BCORL1: variants seen among roughly 807,000 people sequenced by gnomAD.
BCORL1 encodes the protein BCL6 corepressor like 1.
BCORL1 carries 7 observed loss-of-function variants against 87.6 expected under a neutral mutation model. The observed-to-expected ratio is 0.08, with a 90% confidence interval of 0.05 to 0.15. The LOEUF (loss-of-function observed/expected upper bound fraction) is 0.15, where lower values mean the gene tolerates loss of function less well. Ranked by LOEUF, BCORL1 falls within the 10% of genes least tolerant of loss-of-function variation. The pLI is 1.00. For synonymous variants in BCORL1, 591 were observed against 634.4 expected (o/e 0.93, Z 1.03); for missense variants, 1,215 against 1,499.7 (o/e 0.81, Z 3.13).
intron 11 of BCORL1, among the ~76,000 whole-genome samples, chrX:130,043,786 T>A (rs866194055): frequency 0.034 from 406 of 11,980 alleles, 4 homozygotes; most frequent in Middle Eastern, 0.059. Context: ...ATATATATAT[T>A]TTTTTTTTTT....
At chrX:130,043,775 TATATATA>T (rs1233669294) in intron 11 of BCORL1, among the ~76,000 whole-genome samples, 25 of 22,880 alleles carry the variant, frequency 1.1e-3, no homozygotes, top group African/African-American at 6.9e-3. Context: ...TATATATATA[TATATATA>T]TATTTTTTTT....
intron 1 of BCORL1, among the ~76,000 whole-genome samples, chrX:129,995,080 A>G (rs1055577243): frequency 1.8e-5 from 2 of 110,495 alleles, no homozygotes; most frequent in South Asian, 7.7e-4. Context: ...ATCTTGGCTC[A>G]CTGCAACTTC....
At chrX:130,009,336 A>G (rs1005872742) in intron 2 of BCORL1, among the ~76,000 whole-genome samples, 1 of 110,882 alleles carries the variant, frequency 9.0e-6, no homozygotes, top group Non-Finnish European at 1.9e-5. Context: ...GTGGTGGCGC[A>G]TGCCTGTAAT....
In BCORL1 at chrX:130,053,636, G is replaced by A. The variant is rs188911181; in HGVS notation, c.5075+1620G>A. ...TAGCCCAGAGCCCGGTACCAGCAAA[G>A]CTGGTTTTCCTGACGTGACATCCTC... On this transcript the variant is annotated intron_variant, in intron 13 of 13. Transcript: ENST00000540052. 2.7e-5 allele frequency among the ~76,000 whole-genome samples: 3 copies of A among 111,621 alleles called. No homozygotes were observed. In the East Asian group the frequency reaches 8.5e-4, roughly 32 times the overall value.
At chrX:130,010,977 C>G (rs1489015907) in intron 2 of BCORL1, among the ~76,000 whole-genome samples, 1 of 87,554 alleles carries the variant, frequency 1.1e-5, no homozygotes, top group Non-Finnish European at 2.2e-5. Context: ...GCACTCCAGC[C>G]TGGGTGACAG....
intron 1 of BCORL1, among the ~76,000 whole-genome samples, chrX:130,003,460 C>T (rs748800108): frequency 1.8e-5 from 2 of 108,390 alleles, no homozygotes; most frequent in Non-Finnish European, 3.8e-5. Context: ...GCAACCTCTG[C>T]CTCCTGGGTT....
At chrX:129,989,147 C>CT (rs1441781603) in intron 1 of BCORL1, among the ~76,000 whole-genome samples, 4 of 109,395 alleles carry the variant, frequency 3.7e-5, no homozygotes, top group South Asian at 3.8e-4. Flanking sequence ...TACTTTCGTT[C>CT]TTTTTTTTGA....
At chrX:130,041,788 G>A (rs1320309100) in intron 11 of BCORL1, among the ~76,000 whole-genome samples, 2 of 110,275 alleles carry the variant, frequency 1.8e-5, no homozygotes, top group African/African-American at 6.6e-5. Flanking sequence ...CACCAAGCTC[G>A]GCTAATTTTT....
chrX:129,984,624 C>G (rs1318648417), intron 1 of BCORL1, among the ~76,000 whole-genome samples: 1 of 110,840 alleles, frequency 9.0e-6, no homozygotes, highest in Non-Finnish European at 1.9e-5. Flanking sequence ...GAGGGACGTC[C>G]GGGGCAAGGC....
At chrX:130,038,868 T>A (rs1261939104) in intron 10 of BCORL1, among the ~76,000 whole-genome samples, 2 of 111,356 alleles carry the variant, frequency 1.8e-5, no homozygotes, top group South Asian at 7.5e-4. Context: ...CATTGTGCCA[T>A]GGGAACTGTC....
intron 1 of BCORL1, among the ~76,000 whole-genome samples, chrX:129,996,984 A>G (rs780262178): frequency 1.3e-4 from 14 of 111,261 alleles, no homozygotes; most frequent in Non-Finnish European, 2.5e-4. Context: ...TGTCAGATAG[A>G]TGCTTTCTCT....
chrX:129,983,519 G>T (rs1203391877), intron 1 of BCORL1, among the ~76,000 whole-genome samples: 1 of 107,024 alleles, frequency 9.3e-6, no homozygotes, highest in African/African-American at 3.4e-5. Context: ...GCTCTTCAGG[G>T]CTGCTTTCTT....
rs1450586732 is a variant in BCORL1 at position 130,013,641 on chromosome X, C to T, written c.869C>T (p.Pro290Leu). The change falls in exon 4 of 14, where the codon CCC becomes CTC. Residue 290 changes from proline (P) to leucine (L), a missense_variant. Physicochemically the swap from Pro to Leu is moderately conservative, Grantham distance 98. Coordinates refer to ENST00000540052, the MANE Select transcript of BCORL1 (RefSeq NM_001379451.1). ...SVLVPVPASA[P>L]PSGPVPLSAP... The stretch of plus-strand genomic sequence containing the variant: ...TTGGTGCCTGTGCCAGCTTCTGCTC[C>T]CCCTTCAGGCCCGGTTCCCTTGTCG... 3.3e-6 allele frequency: 4 copies of T among 1,209,365 alleles called. No homozygotes were observed. Among genetic ancestry groups the T allele is most frequent in the Middle Eastern group, 2.3e-4 (1 of 4,372 alleles).
intron 2 of BCORL1, among the ~76,000 whole-genome samples, chrX:130,008,404 C>T (rs865810154): frequency 9.0e-6 from 1 of 110,681 alleles, no homozygotes. Flanking sequence ...GCTGGGATTA[C>T]AGGCATGCGC....
chrX:130,023,226 G>C (rs912173756), intron 6 of BCORL1, among the ~76,000 whole-genome samples: 1 of 111,905 alleles, frequency 8.9e-6, no homozygotes, highest in Non-Finnish European at 1.9e-5. Context: ...GACATCTCTT[G>C]TTGGGAGCTG....
rs927021395 is a variant in BCORL1 at position 130,056,269 on chromosome X, T to C, written c.*133T>C. ...GACCAACAAGAAGCCGCCTTATCAA[T>C]GCCAGCATTAGCGACTGGACTGTTT... is the stretch of plus-strand genomic sequence containing the variant. On this transcript the variant is annotated 3_prime_UTR_variant, in exon 14 of 14. Coordinates refer to ENST00000540052, the MANE Select transcript of BCORL1 (RefSeq NM_001379451.1). 1.5e-6 allele frequency: 1 copy of C among 682,440 alleles called. No homozygotes were observed. Among genetic ancestry groups the C allele is most frequent in the African/African-American group, 2.2e-5 (1 of 44,962 alleles). The allele number at this position is 682,440 out of a possible 1,213,427, so 56.2% of individuals were successfully genotyped here. A position where few individuals can be genotyped will look rare whatever the true frequency, so the allele number is the denominator to read the frequency against.
chrX:130,043,758 ATATATATATATATATATATATATATATT>A (rs1280601808), intron 11 of BCORL1, among the ~76,000 whole-genome samples: 3,890 of 23,304 alleles, frequency 0.17, 264 homozygotes, highest in Non-Finnish European at 0.19. Flanking sequence ...ATATATATAT[ATATATATATATATATATATATATATATT>A]TTTTTTTTTT....
At chrX:129,993,531 A>T (rs1462521062) in intron 1 of BCORL1, among the ~76,000 whole-genome samples, 1 of 110,700 alleles carries the variant, frequency 9.0e-6, no homozygotes, top group Non-Finnish European at 1.9e-5. Flanking sequence ...ACTGAAAAAA[A>T]TTTTAAATTA....
chrX:129,989,302 A>ATTTT (rs34124916), intron 1 of BCORL1, among the ~76,000 whole-genome samples: 7 of 71,712 alleles, frequency 9.8e-5, no homozygotes, highest in Middle Eastern at 0.016. Flanking sequence ...TGCCCGGCTA[A>ATTTT]TTTTTTTTTT....
Sources: allele counts gnomAD v4.1 joint callset (sites outside exome capture counted in the v4.1 genomes callset), GRCh38; gene constraint gnomAD v4.1.1; transcripts MANE v1.5; gene names NCBI Gene and HGNC (gene_info 2026-07-23, HGNC 2026-07-21).